Variants in ZNF608 observed in about 807,000 individuals in gnomAD.
The protein encoded by ZNF608 is renal carcinoma antigen NY-REN-36.
A neutral mutation model predicts 109.0 loss-of-function variants in ZNF608; 12 were observed. The ratio of observed to expected loss-of-function variants is 0.11; its 90% confidence interval spans 0.07 to 0.18. The LOEUF (loss-of-function observed/expected upper bound fraction) is 0.18, where lower values mean the gene tolerates loss of function less well. Ranked by LOEUF, ZNF608 falls within the 10% of genes least tolerant of loss-of-function variation. The probability of loss-of-function intolerance (pLI) is 1.00; values close to 1 mark genes in which losing one functional copy is unlikely to be tolerated. For missense variants in ZNF608, 1,707 were observed against 1,879.3 expected, an observed-to-expected ratio of 0.91 and a Z score of 1.70; for synonymous variants, 732 against 717.4, an observed-to-expected ratio of 1.02 and a Z score of -0.33.
chr5:124,693,974 C>CTTTTTTGTTTTTTTT (rs1752724115), intron 3 of ZNF608, among the ~76,000 whole-genome samples: 1 of 60,934 alleles, frequency 1.6e-5, no homozygotes, highest in Non-Finnish European at 2.7e-5. Flanking sequence ...TTTCATTAAT[C>CTTTTTTGTTTTTTTT]TTTTTTTTTT....
intron 2 of ZNF608, among the ~76,000 whole-genome samples, chr5:124,736,876 C>CT (rs760383190): frequency 1.2e-3 from 184 of 152,290 alleles, no homozygotes; most frequent in Non-Finnish European, 2.1e-3. Flanking sequence ...ACTACTAACA[C>CT]TTTTTTTAAA....
At chr5:124,639,315 C>T in intron 8 of ZNF608, 101 bp from the exon 9 acceptor site, 1 of 933,780 alleles carries the variant, frequency 1.1e-6, no homozygotes, top group Non-Finnish European at 1.7e-6. Flanking sequence ...AGCATGGTGT[C>T]CTCTCCTAAA....
chr5:124,673,942 A>G (rs922702305), intron 3 of ZNF608, among the ~76,000 whole-genome samples: 1 of 152,068 alleles, frequency 6.6e-6, no homozygotes, highest in Non-Finnish European at 1.5e-5. Context: ...ATTTTTTTTT[A>G]ATTATTCAAA....
At chr5:124,677,478 C>T (rs942853218) in intron 3 of ZNF608, among the ~76,000 whole-genome samples, 8 of 152,114 alleles carry the variant, frequency 5.3e-5, no homozygotes, top group African/African-American at 1.9e-4. Flanking sequence ...GCAACATTCG[C>T]GTACAAGGGT....
At chr5:124,730,910 G>C (rs1367383675) in intron 2 of ZNF608, among the ~76,000 whole-genome samples, 1 of 152,242 alleles carries the variant, frequency 6.6e-6, no homozygotes, top group African/African-American at 2.4e-5. Context: ...AGCATTCATA[G>C]AGTGGAGGCA....
intron 3 of ZNF608, among the ~76,000 whole-genome samples, chr5:124,689,468 A>G (rs1462969102): frequency 1.1e-4 from 16 of 141,594 alleles, no homozygotes; most frequent in Non-Finnish European, 2.0e-4. Flanking sequence ...CTGTCCCTCA[A>G]AAAAAAAAAA....
In ZNF608 at chr5:124,703,089, G is replaced by GT. The variant is rs375528536; in HGVS notation, c.907-1821dup. ...GACCAAAGAAAATTATAAACCAGTG[G>GT]TTTTTTTTTTGCATGCTTTCCAGCT... On this transcript the variant is annotated intron_variant, in intron 2 of 9. Coordinates refer to ENST00000513986, the MANE Select transcript of ZNF608 (RefSeq NM_020747.3). 7.7e-3 allele frequency among the ~76,000 whole-genome samples: 1,140 copies of GT among 148,292 alleles called. 8 individuals carry two copies. The highest frequency in any genetic ancestry group is 0.014 in the Admixed American group (202 of 14,800).
chr5:124,647,130 T>C lies in ZNF608; in HGVS notation c.3254A>G (p.Tyr1085Cys). The change falls in exon 5 of 10, where the codon TAT (tyrosine) becomes TGT (cysteine). Residue 1085 changes from tyrosine (Y) to cysteine (C), a missense_variant. Tyr to Cys is a radical substitution (Grantham distance 194). Transcript: ENST00000513986. Reference sequence around the variant, plus strand: ...AGACTTCTGGTCCATATAGAGCCCATATGCATACTGGCCATAATAAAGTGA... The same window carrying C: ...AGACTTCTGGTCCATATAGAGCCCACATGCATACTGGCCATAATAAAGTGA... The part of the protein sequence containing the change: ...AQSLYYGQYA[Y>C]GLYMDQKSLM... 1 of 1,614,172 alleles carries C rather than the reference T, an allele frequency of 6.2e-7. No individual in the cohort carries two copies. Among genetic ancestry groups the C allele is most frequent in the Non-Finnish European group, 8.5e-7 (1 of 1,180,036 alleles).
At position 124,649,053 on chromosome 5, in the gene ZNF608, G is replaced by T; in HGVS notation, c.1331C>A (p.Ala444Asp). The change falls in exon 5 of 10, where the codon GCC becomes GAC. Residue 444 changes from alanine to aspartate, a missense_variant. Physicochemically the swap from Ala to Asp is moderately radical, Grantham distance 126. This residue lies in a region of ZNF608 where 166 missense variants were observed against 204.2 expected (regional missense o/e 0.81). Transcript: ENST00000513986. Reference sequence around the variant, plus strand: ...TGTGAAGCTGGCCTCGGAGCCCGGGGCAGCAGCAGCAGACCTCGCTCTCTT... The same window carrying T: ...TGTGAAGCTGGCCTCGGAGCCCGGGTCAGCAGCAGCAGACCTCGCTCTCTT... ...RGKRARSAAA[A>D]PGSEASFTES... The T allele has an allele frequency of 6.2e-7, 1 of 1,612,774 alleles. No individual in the cohort carries two copies. Among genetic ancestry groups the T allele is most frequent in the Non-Finnish European group, 8.5e-7 (1 of 1,179,150 alleles).
rs770811542 is a variant in ZNF608, at chr5:124,646,679, T to C, written c.3705A>G (p.Gln1235=). The C allele has an allele frequency of 7.5e-6, 12 of 1,608,312 alleles. No homozygotes were observed. Among genetic ancestry groups the C allele is most frequent in the Middle Eastern group, 1.7e-4 (1 of 5,908 alleles). Residue 1235 remains glutamine (Q), a splice_region_variant and synonymous_variant, in exon 5 of 10, where the codon CAA becomes CAG. Coordinates refer to ENST00000513986, the MANE Select transcript of ZNF608 (RefSeq NM_020747.3). ...TTGGGGCCACGCTCCACAATCTTAC[T>C]TGTTTAAATCTCGAGGTTGGGTCTA... ...TGVDPTSRFK[Q]DPDSRTWHHY...
chr5:124,643,501 G>C lies in ZNF608; in HGVS notation c.4296+10C>G. The C allele has an allele frequency of 6.2e-7, 1 of 1,612,964 alleles. No homozygotes were observed. The highest frequency in any genetic ancestry group is 8.5e-7 in the Non-Finnish European group (1 of 1,179,170). ...ACAGTACTTTTAAATAACAACAAAA[G>C]GAGGCTTACAGCAGGAGACTTGCTG... On this transcript the variant is annotated intron_variant, in intron 7 of 9. Transcript: ENST00000513986.
Position 124,670,341 on chromosome 5 carries a change from T to C in ZNF608, c.1163-20644A>G, listed in dbSNP as rs549976344. On this transcript the variant is annotated intron_variant, in intron 3 of 9. Coordinates refer to ENST00000513986, the MANE Select transcript of ZNF608 (RefSeq NM_020747.3). ...AGCTATCCTTTTTCTTTCTTTCTTT[T>C]TTTTTTTAATGGAAAGGCTCTATAA... Among the ~76,000 whole-genome samples the C allele has an allele frequency of 4.5e-4, 68 of 152,156 alleles. No individual in the cohort carries two copies. The South Asian group carries it at 6.0e-3, about 13-fold the overall frequency.
intron 3 of ZNF608, among the ~76,000 whole-genome samples, chr5:124,679,377 T>TTCCC (rs1279502265): frequency 4.0e-5 from 6 of 151,784 alleles, no homozygotes; most frequent in African/African-American, 1.4e-4. Flanking sequence ...CCTTCCTTCC[T>TTCCC]TCCCTCCCTC....
chr5:124,709,203 G>A (rs148384656), intron 2 of ZNF608, among the ~76,000 whole-genome samples: 1 of 117,084 alleles, frequency 8.5e-6, no homozygotes, highest in Non-Finnish European at 1.8e-5. Context: ...AAAAAATCTG[G>A]GTTCTGCATG....
intron 9 of ZNF608, among the ~76,000 whole-genome samples, chr5:124,638,384 G>A (rs1471798174): frequency 6.6e-6 from 1 of 151,992 alleles, no homozygotes; most frequent in Non-Finnish European, 1.5e-5. Flanking sequence ...AGCCTCCCTA[G>A]TAGCTGGAAT....
intron 9 of ZNF608, among the ~76,000 whole-genome samples, chr5:124,638,485 G>A (rs767134981): frequency 3.3e-5 from 5 of 152,200 alleles, no homozygotes; most frequent in Admixed American, 3.3e-4. Flanking sequence ...TGGAACTCCC[G>A]ACCTCAGGTG....
In ZNF608 at chr5:124,723,721, A is replaced by T. The variant is rs1754027954; in HGVS notation, c.906+20363T>A. Among the ~76,000 whole-genome samples, 4 of 152,176 alleles carry T rather than the reference A, an allele frequency of 2.6e-5. 1 individual carries two copies. Among genetic ancestry groups the T allele is most frequent in the Admixed American group, 2.6e-4 (4 of 15,272 alleles). The stretch of plus-strand genomic sequence containing the variant: ...AATGAATCTGACTATACAGTTTAAG[A>T]TATTTGCACGGAGTAGGGGGAGGAA... On this transcript the variant is annotated intron_variant, in intron 2 of 9. Transcript: ENST00000513986.
rs1749566836 is a variant in ZNF608, at chr5:124,744,607, G to A, written c.383C>T (p.Pro128Leu). 6.2e-7 allele frequency: 1 copy of A among 1,614,166 alleles called. No homozygotes were observed. The highest frequency in any genetic ancestry group is 1.7e-5 in the Admixed American group (1 of 60,022). Residue 128 changes from proline (P) to leucine (L), a missense_variant, in exon 2 of 10, where the codon CCC (proline) becomes CTC (leucine). Around this residue, in one of 7 missense-constraint regions of ZNF608, gnomAD observed 407 missense variants for 398.7 expected, o/e 1.02. Transcript: ENST00000513986. This position sits in a 1 kb window ranked among gnomAD's most constrained non-coding sequence, Gnocchi z 4.5. Reference protein sequence around the residue: ...SLPSAALYGIPEISSTGKRQE... With the variant: ...SLPSAALYGILEISSTGKRQE... ...CCTCTTGCCAGTGCTGCTGATCTCG[G>A]GAATCCCATACAAGGCAGCAGAAGG...
chr5:124,697,114 C>T (rs1167138893), intron 3 of ZNF608, among the ~76,000 whole-genome samples: 4 of 150,748 alleles, frequency 2.7e-5, no homozygotes. Context: ...TTTACTTAAC[C>T]AGTAAGAAAG....
Sources: allele counts gnomAD v4.1 joint callset (sites outside exome capture counted in the v4.1 genomes callset), GRCh38; gene constraint gnomAD v4.1.1; regional missense constraint gnomAD v4.1.1; non-coding constraint Gnocchi (gnomAD v3.1); transcripts MANE v1.5; gene names NCBI Gene and HGNC (gene_info 2026-07-23, HGNC 2026-07-21).